Variants in SPMIP11 observed in about 807,000 individuals in gnomAD.
The protein encoded by SPMIP11 is sperm microtubule inner protein 11, also known as long intergenic non-protein coding RNA 935.
chr12:48,762,475 C>G, the SPMIP11 span, among the ~76,000 whole-genome samples: 531 of 142,748 alleles, frequency 3.7e-3, 2 homozygotes, highest in Non-Finnish European at 6.0e-3. Flanking sequence ...TCAAGCGATT[C>G]TCCTGTCTCA....
At chr12:48,765,709 AAAG>A in the SPMIP11 span, 3 of 701,710 alleles carry the variant, frequency 4.3e-6, no homozygotes, top group South Asian at 1.5e-5. Context: ...GCAGAGGGGG[AAAG>A]AAGGAGGTTT....
the SPMIP11 span, among the ~76,000 whole-genome samples, chr12:48,755,516 C>G: frequency 6.6e-6 from 1 of 152,262 alleles, no homozygotes; most frequent in Middle Eastern, 3.4e-3. Context: ...ACCCCAGGTA[C>G]CTTCCAAACC....
At chr12:48,746,788 G>A in the SPMIP11 span, among the ~76,000 whole-genome samples, 1 of 152,028 alleles carries the variant, frequency 6.6e-6, no homozygotes, top group African/African-American at 2.4e-5. Context: ...GGGCATGGTG[G>A]TGCATGCCTG....
chr12:48,765,302 A>C, the SPMIP11 span, among the ~76,000 whole-genome samples: 3 of 152,138 alleles, frequency 2.0e-5, no homozygotes, highest in Admixed American at 6.5e-5. Context: ...ATCACCATCC[A>C]TTGGCAGTAG....
chr12:48,756,044 AT>A, the SPMIP11 span, among the ~76,000 whole-genome samples: 954 of 143,240 alleles, frequency 6.7e-3, 4 homozygotes, highest in South Asian at 0.026. Flanking sequence ...CACCTGGCTA[AT>A]TTTTTTTTTT....
At chr12:48,764,984 C>T in the SPMIP11 span, 53 of 702,700 alleles carry the variant, frequency 7.5e-5, 1 homozygote, top group African/African-American at 3.5e-4. Context: ...TCATAAAAAG[C>T]GCGATGACCA....
chr12:48,770,971 C>G, the SPMIP11 span: 1 of 1,613,770 alleles, frequency 6.2e-7, no homozygotes, highest in Non-Finnish European at 8.5e-7. Flanking sequence ...CGCTGATAAT[C>G]TGAACAACAC....
At chr12:48,752,754 C>T in the SPMIP11 span, among the ~76,000 whole-genome samples, 32 of 151,188 alleles carry the variant, frequency 2.1e-4, no homozygotes, top group South Asian at 6.5e-3. Context: ...TCACTGCAAC[C>T]TCCGCCTCCC....
chr12:48,732,093 G>A, the SPMIP11 span, among the ~76,000 whole-genome samples: 5 of 150,576 alleles, frequency 3.3e-5, no homozygotes, highest in South Asian at 6.3e-4. Context: ...AGGTTGCAAC[G>A]AGCTGAGATT....
the SPMIP11 span, among the ~76,000 whole-genome samples, chr12:48,735,165 A>C: frequency 2.0e-5 from 3 of 152,118 alleles, no homozygotes; most frequent in Non-Finnish European, 4.4e-5. Flanking sequence ...CAACAACCTG[A>C]ATGAGCCTGG....
the SPMIP11 span, among the ~76,000 whole-genome samples, chr12:48,755,554 T>C: frequency 6.6e-6 from 1 of 152,170 alleles, no homozygotes; most frequent in Non-Finnish European, 1.5e-5. Context: ...TTATGGGTTA[T>C]CAAGAATATC....
chr12:48,759,103 G>A, the SPMIP11 span: 1 of 646,408 alleles, frequency 1.5e-6, no homozygotes, highest in East Asian at 2.7e-5. Flanking sequence ...GATGTGAGTG[G>A]CTAGGAGAGA....
the SPMIP11 span, among the ~76,000 whole-genome samples, chr12:48,770,010 C>T: frequency 2.0e-5 from 3 of 151,788 alleles, no homozygotes; most frequent in East Asian, 3.9e-4. Context: ...ATCCGCCTGC[C>T]TCGGACTCCC....
At chr12:48,728,987 C>G in the SPMIP11 span, among the ~76,000 whole-genome samples, 1 of 152,164 alleles carries the variant, frequency 6.6e-6, no homozygotes, top group African/African-American at 2.4e-5. Flanking sequence ...ATGCCTCACA[C>G]ATAATAGAGG....
the SPMIP11 span, among the ~76,000 whole-genome samples, chr12:48,737,247 G>A: frequency 6.0e-5 from 9 of 150,208 alleles, no homozygotes; most frequent in Non-Finnish European, 1.0e-4. Flanking sequence ...CACATCGCCC[G>A]GTCTCTGGAA....
the SPMIP11 span, among the ~76,000 whole-genome samples, chr12:48,741,069 C>CTT: frequency 3.8e-4 from 43 of 112,492 alleles, no homozygotes; most frequent in East Asian, 4.6e-4. Context: ...ATGATATTGA[C>CTT]TTTTTTTTTT....
At chr12:48,759,219 ACCAGAG>A in the SPMIP11 span, 1 of 702,944 alleles carries the variant, frequency 1.4e-6, no homozygotes. Flanking sequence ...ACCAGAAGGA[ACCAGAG>A]CCTACTAGGC....
chr12:48,750,079 C>T, the SPMIP11 span, among the ~76,000 whole-genome samples: 1 of 151,840 alleles, frequency 6.6e-6, no homozygotes, highest in Non-Finnish European at 1.5e-5. Flanking sequence ...AGGCTGGGTG[C>T]AGTGGCCCAG....
chr12:48,753,186 C>T, the SPMIP11 span, among the ~76,000 whole-genome samples: 4 of 152,128 alleles, frequency 2.6e-5, no homozygotes, highest in Admixed American at 6.6e-5. Context: ...AAAATCTCTG[C>T]GAGATTTGGG....
Sources: gnomAD v4.1 joint callset for allele counts (sites outside exome capture counted in the v4.1 genomes callset) on GRCh38, gnomAD v4.1.1 for gene constraint, MANE v1.5 for transcripts, NCBI Gene and HGNC (gene_info 2026-07-23, HGNC 2026-07-21) for gene names.